KCNG2: variants seen among roughly 807,000 people sequenced by gnomAD.
The protein encoded by KCNG2 is voltage-gated potassium channel regulatory subunit KCNG2.
KCNG2 carries 7 observed loss-of-function variants against 12.3 expected under a neutral mutation model. The ratio of observed to expected loss-of-function variants is 0.57; its 90% CI spans 0.32 to 1.07. The LOEUF is 1.07. KCNG2 is among the 50% of genes least tolerant of loss of function. KCNG2 has a pLI of 0.04. For missense variants in KCNG2, 703 were observed against 726.0 expected (o/e 0.97, Z 0.36); for synonymous variants, 414 against 351.4 (o/e 1.18, Z -1.99).
rs779558647 is a variant in KCNG2 at position 79,899,762 on chromosome 18, C to T, written c.1347C>T (p.Ser449=). Residue 449 remains serine, a synonymous_variant, in exon 4 of 4, where the codon AGC becomes AGT. Coordinates refer to ENST00000316249, the MANE Select transcript of KCNG2 (RefSeq NM_012283.2). ...AGGACAGCTCGCAGGGCCCCGACAG[C>T]GCGGGCCTGGCCGACGACTCCGCGG... The part of the protein sequence containing the change: ...ATEDSSQGPD[S]AGLADDSADA... The T allele has an allele frequency of 1.6e-5, 24 of 1,535,190 alleles. No individual in the cohort carries two copies. In the African/African-American group the frequency reaches 3.0e-4, roughly 19 times the overall value.
At position 79,899,357 on chromosome 18, in the gene KCNG2, C is replaced by T; in HGVS notation, c.942C>T (p.Thr314=). The T allele has an allele frequency of 2.6e-6, 4 of 1,555,654 alleles. No homozygotes were observed. The highest frequency in any genetic ancestry group is 2.3e-5 in the South Asian group (2 of 85,796). ...HSLGLRSLGL[T]MRRCAREFGL... is the part of the protein sequence containing the mutation. Reference sequence around the variant, plus strand: ...TGGGGCTGCGTTCGCTGGGCCTGACCATGCGCCGCTGCGCGCGCGAGTTCG... The same window carrying T: ...TGGGGCTGCGTTCGCTGGGCCTGACTATGCGCCGCTGCGCGCGCGAGTTCG... The change falls in exon 4 of 4, where the codon ACC becomes ACT. Residue 314 remains threonine, a synonymous_variant. Coordinates refer to ENST00000316249, the MANE Select transcript of KCNG2 (RefSeq NM_012283.2).
At chr18:79,830,607 G>T (rs1207661353) in intron 1 of KCNG2, among the ~76,000 whole-genome samples, 2 of 152,250 alleles carry the variant, frequency 1.3e-5, no homozygotes, top group African/African-American at 4.8e-5. Context: ...AGAGGCCAGC[G>T]AGAGAGATGC....
intron 3 of KCNG2, among the ~76,000 whole-genome samples, chr18:79,881,174 C>T (rs867996095): frequency 2.0e-5 from 3 of 152,210 alleles, no homozygotes; most frequent in South Asian, 2.1e-4. Context: ...TGTAGAAACA[C>T]GCTGTCCAAT....
At chr18:79,888,317 C>T (rs73970135) in intron 3 of KCNG2, among the ~76,000 whole-genome samples, 2,622 of 152,266 alleles carry the variant, frequency 0.017, 80 homozygotes, top group African/African-American at 0.06. Flanking sequence ...GGTCCCCAGC[C>T]CACATCTGGG....
intron 1 of KCNG2, among the ~76,000 whole-genome samples, chr18:79,812,921 G>T (rs936211598): frequency 1.1e-4 from 17 of 152,076 alleles, no homozygotes; most frequent in Admixed American, 3.9e-4. Flanking sequence ...ACTTTGGGAG[G>T]CCAAGGAGGG....
rs186443394 is a variant in KCNG2, at chr18:79,826,713, G to A, written c.-115+28699G>A. ...TCCTCACGGAAGGTTAGTTCGGCGC[G>A]TTACGTCATTACATCCAGTGAAAGA... On this transcript the variant is annotated intron_variant, in intron 1 of 3. Coordinates refer to ENST00000316249, the MANE Select transcript of KCNG2 (RefSeq NM_012283.2). 9.4e-3 allele frequency among the ~76,000 whole-genome samples: 1,376 copies of A among 146,594 alleles called. 12 individuals are homozygous for A. The highest frequency in any genetic ancestry group is 0.015 in the Non-Finnish European group (1,014 of 67,222).
intron 1 of KCNG2, among the ~76,000 whole-genome samples, chr18:79,843,564 A>G (rs948530439): frequency 6.6e-6 from 1 of 152,262 alleles, no homozygotes; most frequent in African/African-American, 2.4e-5. Context: ...TACATAATAT[A>G]TAATGTAAAT....
intron 3 of KCNG2, among the ~76,000 whole-genome samples, chr18:79,875,271 AC>A (rs1980021729): frequency 6.6e-6 from 1 of 152,128 alleles, no homozygotes; most frequent in African/African-American, 2.4e-5. Flanking sequence ...AAGAAAGAGC[AC>A]TGCCCAGAGC....
intron 3 of KCNG2, among the ~76,000 whole-genome samples, chr18:79,892,111 T>C (rs1980762430): frequency 9.0e-6 from 1 of 110,774 alleles, no homozygotes; most frequent in Admixed American, 9.2e-5. Context: ...CAAGACTCCG[T>C]CTAAAAAAAA....
chr18:79,825,364 T>A (rs2087605781), intron 1 of KCNG2, among the ~76,000 whole-genome samples: 1 of 152,232 alleles, frequency 6.6e-6, no homozygotes, highest in Non-Finnish European at 1.5e-5. Context: ...CCCTAAGTCA[T>A]CCTACAGCTA....
At chr18:79,829,519 C>T (rs1978290130) in intron 1 of KCNG2, among the ~76,000 whole-genome samples, 1 of 152,168 alleles carries the variant, frequency 6.6e-6, no homozygotes, top group Non-Finnish European at 1.5e-5. Flanking sequence ...ACCAGTCCGT[C>T]TCTGCCTCCC....
intron 3 of KCNG2, among the ~76,000 whole-genome samples, chr18:79,881,090 C>T (rs990653021): frequency 1.3e-5 from 2 of 152,192 alleles, no homozygotes; most frequent in Non-Finnish European, 2.9e-5. Flanking sequence ...CACCTGTTGG[C>T]AGTCCTAGAG....
At chr18:79,805,051 T>G (rs1286677635) in intron 1 of KCNG2, among the ~76,000 whole-genome samples, 1 of 152,242 alleles carries the variant, frequency 6.6e-6, no homozygotes, top group Non-Finnish European at 1.5e-5. Context: ...TATCAAACTC[T>G]GTTTCTGTGT....
At position 79,884,718 on chromosome 18, in the gene KCNG2, T is replaced by C. The variant is rs989687107; in HGVS notation, c.625-14322T>C. Among the ~76,000 whole-genome samples, 23 of 152,142 alleles carry C rather than the reference T, an allele frequency of 1.5e-4. No homozygotes were observed. The highest frequency in any genetic ancestry group is 5.1e-4 in the African/African-American group (21 of 41,434). ...GGCCCACAGACACGTGGCTTCGTGA[T>C]GGGGAGCCACGGGGGCAGGGGTCCG... is the stretch of plus-strand genomic sequence containing the variant. On this transcript the variant is annotated intron_variant, in intron 3 of 3. Coordinates refer to ENST00000316249, the MANE Select transcript of KCNG2 (RefSeq NM_012283.2). The surrounding 1 kb of genome is among the most constrained non-coding windows in gnomAD (Gnocchi z 5.5).
intron 1 of KCNG2, among the ~76,000 whole-genome samples, chr18:79,821,075 TTTCA>T (rs2087566559): frequency 6.6e-6 from 1 of 152,230 alleles, no homozygotes; most frequent in South Asian, 2.1e-4. Flanking sequence ...GTCTGTGGGC[TTTCA>T]TTTTGTTGAT....
intron 3 of KCNG2, among the ~76,000 whole-genome samples, chr18:79,875,345 C>T (rs1033621825): frequency 2.0e-5 from 3 of 152,132 alleles, no homozygotes; most frequent in Non-Finnish European, 4.4e-5. Flanking sequence ...CACAGGCGGC[C>T]CTGGGCGCTC....
chr18:79,810,530 T>A (rs1018998927), intron 1 of KCNG2, among the ~76,000 whole-genome samples: 1 of 152,088 alleles, frequency 6.6e-6, no homozygotes, highest in African/African-American at 2.4e-5. Flanking sequence ...CCCAGCACTG[T>A]GGGAGGCTAA....
chr18:79,864,592 C>A, intron 3 of KCNG2, among the ~76,000 whole-genome samples: 1 of 152,222 alleles, frequency 6.6e-6, no homozygotes, highest in Non-Finnish European at 1.5e-5. Context: ...ACTGCTCAGC[C>A]CATCAGGCCT....
intron 1 of KCNG2, among the ~76,000 whole-genome samples, chr18:79,828,406 CAG>C (rs1436835648): frequency 1.3e-5 from 2 of 149,818 alleles, no homozygotes; most frequent in African/African-American, 4.9e-5. Flanking sequence ...CTGCATGTAT[CAG>C]TGTGTGCATG....
Sources: gnomAD v4.1 joint callset for allele counts (sites outside exome capture counted in the v4.1 genomes callset) on GRCh38, gnomAD v4.1.1 for gene constraint, Gnocchi (gnomAD v3.1) non-coding constraint, MANE v1.5 for transcripts, NCBI Gene and HGNC (gene_info 2026-07-23, HGNC 2026-07-21) for gene names.